CDKL5: variants seen among roughly 807,000 people sequenced by gnomAD.
CDKL5 encodes the protein cyclin dependent kinase like 5, also known as cyclin-dependent kinase-like 5.
CDKL5 carries 8 observed loss-of-function variants against 61.7 expected under a neutral mutation model. The ratio of observed to expected loss-of-function variants is 0.13; its 90% CI spans 0.08 to 0.23. The LOEUF (loss-of-function observed/expected upper bound fraction) is 0.23. Ranked by LOEUF, CDKL5 falls within the 10% of genes least tolerant of loss-of-function variation. The pLI, the probability that CDKL5 is intolerant of heterozygous loss-of-function variation, is 1.00. For missense variants in CDKL5, 440 were observed against 734.5 expected, an observed-to-expected ratio of 0.60 and a Z score of 4.63; for synonymous variants, 275 against 272.3, an observed-to-expected ratio of 1.01 and a Z score of -0.10.
chrX:18,521,724 G>GA (rs1187718789), intron 3 of CDKL5, among the ~76,000 whole-genome samples: 1 of 112,132 alleles, frequency 8.9e-6, no homozygotes, highest in Non-Finnish European at 1.9e-5. Context: ...TATGTTGTGA[G>GA]ATAGAGGTCT....
intron 3 of CDKL5, among the ~76,000 whole-genome samples, chrX:18,538,687 A>T (rs1476494029): frequency 9.0e-6 from 1 of 111,685 alleles, no homozygotes; most frequent in African/African-American, 3.3e-5. Context: ...TGAAAAGTCT[A>T]TTCTCCCTCC....
chrX:18,564,854 A>C (rs781208854), intron 4 of CDKL5, among the ~76,000 whole-genome samples: 92 of 111,651 alleles, frequency 8.2e-4, no homozygotes, highest in Middle Eastern at 4.7e-3. Context: ...TATTATTAAA[A>C]TAAAAAAACT....
At chrX:18,580,461 A>G (rs756648258) in intron 6 of CDKL5, among the ~76,000 whole-genome samples, 2 of 111,228 alleles carry the variant, frequency 1.8e-5, no homozygotes, top group African/African-American at 6.5e-5. Context: ...ATGTATCTTC[A>G]CCTCCTAATT....
At chrX:18,476,926 C>A (rs1191592291) in intron 1 of CDKL5, among the ~76,000 whole-genome samples, 2 of 111,572 alleles carry the variant, frequency 1.8e-5, no homozygotes, top group African/African-American at 6.5e-5. Flanking sequence ...TGTGCCACCA[C>A]GCCCAGCTAA....
rs1927455615 is a variant in CDKL5 at position 18,638,292 on chromosome X, TTTAA to T, written c.*9539_*9542del. ...CTACTTCTTTGTTCGTAACATTTCATTTAATTATTTAAAAATCTGCAAATGTTGT... is the reference window on the plus strand; with the variant it reads ...CTACTTCTTTGTTCGTAACATTTCATTTATTTAAAAATCTGCAAATGTTGT... On this transcript the variant is annotated 3_prime_UTR_variant, in exon 18 of 18. Transcript: ENST00000623535. 1 of 112,660 alleles carries T rather than the reference TTTAA, an allele frequency of 8.9e-6. No homozygotes were observed. Among genetic ancestry groups the T allele is most frequent in the African/African-American group, 3.2e-5 (1 of 30,993 alleles). 9.3% of individuals were successfully genotyped at this position (112,660 alleles called of 1,213,427 possible).
At chrX:18,606,045 G>C (rs1043318564) in intron 12 of CDKL5, among the ~76,000 whole-genome samples, 3 of 111,437 alleles carry the variant, frequency 2.7e-5, no homozygotes, top group African/African-American at 9.8e-5. Context: ...GCTGGGCGTG[G>C]TGGCGTGTGC....
intron 1 of CDKL5, among the ~76,000 whole-genome samples, chrX:18,433,094 G>A: frequency 9.2e-6 from 1 of 109,282 alleles, no homozygotes; most frequent in Non-Finnish European, 1.9e-5. Context: ...TGAGTGCAGT[G>A]GTGTGCACCT....
intron 3 of CDKL5, among the ~76,000 whole-genome samples, chrX:18,550,726 A>T (rs1246490718): frequency 8.9e-6 from 1 of 112,700 alleles, no homozygotes; most frequent in African/African-American, 3.2e-5. Flanking sequence ...CAGTTACTTG[A>T]TCACTAGAAG....
At chrX:18,465,178 G>T (rs1932373301) in intron 1 of CDKL5, among the ~76,000 whole-genome samples, 1 of 111,284 alleles carries the variant, frequency 9.0e-6, no homozygotes, top group African/African-American at 3.3e-5. Context: ...GAAAAGATCT[G>T]ATTTGCAGTG....
intron 1 of CDKL5, among the ~76,000 whole-genome samples, chrX:18,456,367 A>T (rs751093988): frequency 3.6e-5 from 4 of 111,809 alleles, no homozygotes; most frequent in Non-Finnish European, 5.6e-5. Context: ...TCACAACCCA[A>T]TCTTGATGTG....
intron 3 of CDKL5, among the ~76,000 whole-genome samples, chrX:18,562,910 ATAAC>A (rs1352214892): frequency 8.9e-6 from 1 of 112,169 alleles, no homozygotes; most frequent in Non-Finnish European, 1.9e-5. Context: ...CCAGAGAAAA[ATAAC>A]TAATGAATTT....
chrX:18,595,452 T>G, intron 10 of CDKL5, 24 bp downstream of exon 10: 4 of 979,426 alleles, frequency 4.1e-6, no homozygotes, highest in Non-Finnish European at 5.9e-6. Context: ...ATATTATCTC[T>G]ATAAAATGTC....
intron 1 of CDKL5, chrX:18,442,100 T>C (rs1931758953): frequency 9.0e-6 from 1 of 111,001 alleles, no homozygotes; most frequent in Non-Finnish European, 1.9e-5. Context: ...TCTTCCTGAG[T>C]GGAGATAGGG....
intron 9 of CDKL5, among the ~76,000 whole-genome samples, chrX:18,590,541 G>A (rs1925794351): frequency 1.8e-5 from 2 of 111,985 alleles, no homozygotes; most frequent in Non-Finnish European, 1.9e-5. Context: ...GTGAATGTGG[G>A]CGAAATGAAT....
intron 3 of CDKL5, among the ~76,000 whole-genome samples, chrX:18,544,000 A>G (rs1036694520): frequency 1.8e-5 from 2 of 111,858 alleles, no homozygotes; most frequent in African/African-American, 6.5e-5. Flanking sequence ...ACCCTTTGCC[A>G]GGAGCTGCCA....
chrX:18,486,890 T>C (rs1289522290), intron 1 of CDKL5, among the ~76,000 whole-genome samples: 3 of 111,433 alleles, frequency 2.7e-5, no homozygotes, highest in African/African-American at 9.8e-5. Context: ...TGTCTCCTTA[T>C]TCACTACTTT....
At chrX:18,479,614 C>T (rs895126486) in intron 1 of CDKL5, among the ~76,000 whole-genome samples, 18 of 110,722 alleles carry the variant, frequency 1.6e-4, no homozygotes, top group African/African-American at 5.3e-4. Flanking sequence ...CCACCACGCC[C>T]GGCCAGCCAC....
At chrX:18,510,398 G>T (rs1922785250) in intron 2 of CDKL5, among the ~76,000 whole-genome samples, 1 of 112,002 alleles carries the variant, frequency 8.9e-6, no homozygotes, top group African/African-American at 3.2e-5. Flanking sequence ...CAGGTGATCT[G>T]CCAGCCTCGG....
intron 3 of CDKL5, among the ~76,000 whole-genome samples, chrX:18,530,338 A>G (rs1483163737): frequency 2.8e-5 from 3 of 107,804 alleles, no homozygotes; most frequent in African/African-American, 1.0e-4. Flanking sequence ...TCCGTCTCAA[A>G]AAAAAAAAAA....
Sources: allele counts gnomAD v4.1 joint callset (sites outside exome capture counted in the v4.1 genomes callset), GRCh38; gene constraint gnomAD v4.1.1; transcripts MANE v1.5; gene names NCBI Gene and HGNC (gene_info 2026-07-23, HGNC 2026-07-21).